Variants in MGAT3 observed in about 807,000 individuals in gnomAD.
MGAT3 encodes the protein GlcNAc-T III.
Under a neutral mutation model 29.8 loss-of-function variants are expected in MGAT3, and 9 were observed. The observed-to-expected ratio is 0.30, with a 90% CI of 0.18 to 0.53. The LOEUF (loss-of-function observed/expected upper bound fraction) is 0.53, where lower values mean the gene tolerates loss of function less well. MGAT3 is among the 20% of genes least tolerant of loss of function. MGAT3 has a pLI of 0.96. For missense variants in MGAT3, 557 were observed against 769.5 expected, an observed-to-expected ratio of 0.72 and a Z score of 3.27; for synonymous variants, 397 against 348.9, an observed-to-expected ratio of 1.14 and a Z score of -1.54.
rs1466144894 is a variant in MGAT3 at position 39,489,119 on chromosome 22, C to T, written c.*170C>T. The T allele has an allele frequency of 2.2e-6, 2 of 926,610 alleles. No individual in the cohort carries two copies. Among genetic ancestry groups the T allele is most frequent in the Non-Finnish European group, 3.2e-6 (2 of 622,590 alleles). The allele number at this position is 926,610 out of a possible 1,614,324, so 57.4% of individuals were successfully genotyped here. On this transcript the variant is annotated 3_prime_UTR_variant, in exon 2 of 2. Coordinates refer to ENST00000341184, the MANE Select transcript of MGAT3 (RefSeq NM_002409.5). Reference sequence around the variant, plus strand: ...AAGCCCTTGTGAATCAAGGGTCAGGCCTTTGAGCTCAGAAAATATCCCTCC... The same window carrying T: ...AAGCCCTTGTGAATCAAGGGTCAGGTCTTTGAGCTCAGAAAATATCCCTCC...
chr22:39,476,197 G>A (rs1195454855), intron 1 of MGAT3, among the ~76,000 whole-genome samples: 2 of 152,122 alleles, frequency 1.3e-5, no homozygotes, highest in Non-Finnish European at 2.9e-5. Flanking sequence ...GTGGGGGAGG[G>A]GTGGGGTTGC....
chr22:39,469,045 TC>T (rs1376862741), intron 1 of MGAT3, among the ~76,000 whole-genome samples: 1 of 150,758 alleles, frequency 6.6e-6, no homozygotes, highest in Non-Finnish European at 1.5e-5. Context: ...CTGCTGCCAT[TC>T]CGGTGAGCGG....
intron 1 of MGAT3, among the ~76,000 whole-genome samples, chr22:39,471,276 G>T (rs5995737): frequency 2.6e-4 from 39 of 152,242 alleles, no homozygotes; most frequent in African/African-American, 9.2e-4. Flanking sequence ...CTGGGAGGTG[G>T]GTAGGGAGCT....
At chr22:39,466,754 T>C (rs770639067) in intron 1 of MGAT3, among the ~76,000 whole-genome samples, 1 of 152,238 alleles carries the variant, frequency 6.6e-6, no homozygotes, top group Non-Finnish European at 1.5e-5. Flanking sequence ...TTGGCTGATG[T>C]TGTTACTGAC....
intron 1 of MGAT3, among the ~76,000 whole-genome samples, chr22:39,477,166 C>T (rs1478409928): frequency 6.6e-6 from 1 of 152,234 alleles, no homozygotes; most frequent in Non-Finnish European, 1.5e-5. Context: ...GAAGGAAGAA[C>T]TTCTAGCAGC....
At position 39,480,365 on chromosome 22, in the gene MGAT3, C is replaced by T. The variant is rs1483828511; in HGVS notation, c.-1-6982C>T. Among the ~76,000 whole-genome samples the T allele has an allele frequency of 5.3e-5, 8 of 152,220 alleles. No homozygotes were observed. The East Asian group carries it at 5.8e-4, about 11-fold the overall frequency. ...CAGCCCAGGGAAGGCCCTAAGCCCT[C>T]GCTCAGTTAACCTTATTCCCCAGGT... On this transcript the variant is annotated intron_variant, in intron 1 of 1. Coordinates refer to ENST00000341184, the MANE Select transcript of MGAT3 (RefSeq NM_002409.5).
rs1044536246 is a variant in MGAT3, at chr22:39,457,857, TC to T, written c.-2+304del. The stretch of plus-strand genomic sequence containing the variant: ...CCCTCCCACGGCCGGGCGGGGGACG[TC>T]CCCGAGGCGCGGGGCTCGAGCCGTG... On this transcript the variant is annotated intron_variant, in intron 1 of 1. Coordinates refer to ENST00000341184, the MANE Select transcript of MGAT3 (RefSeq NM_002409.5). This position sits in a 1 kb window ranked among gnomAD's most constrained non-coding sequence, Gnocchi z 6.8. Among the ~76,000 whole-genome samples, 2 of 151,072 alleles carry T rather than the reference TC, an allele frequency of 1.3e-5. No individual in the cohort carries two copies. The highest frequency in any genetic ancestry group is 4.8e-5 in the African/African-American group (2 of 41,252).
chr22:39,480,446 C>T (rs1308060295), intron 1 of MGAT3, among the ~76,000 whole-genome samples: 1 of 152,064 alleles, frequency 6.6e-6, no homozygotes, highest in East Asian at 1.9e-4. Context: ...GACCTCAAGC[C>T]ACGTACATCC....
intron 1 of MGAT3, among the ~76,000 whole-genome samples, chr22:39,464,666 C>T (rs1928588058): frequency 1.3e-5 from 2 of 152,006 alleles, no homozygotes; most frequent in Non-Finnish European, 2.9e-5. Context: ...GTCTCCAACT[C>T]CTGACCTCAA....
rs370070692 is a variant in MGAT3, at chr22:39,466,461, G to A, written c.-2+8904G>A. ...CAAACACCTCTGACCTCCTTCCTCC[G>A]GGGCTGGTCCAGCCTCTTTCTTCCC... is the stretch of plus-strand genomic sequence containing the variant. On this transcript the variant is annotated intron_variant, in intron 1 of 1. Transcript: ENST00000341184. Among the ~76,000 whole-genome samples the A allele has an allele frequency of 5.3e-5, 8 of 152,142 alleles. No individual in the cohort carries two copies. In the East Asian group the frequency reaches 7.7e-4, roughly 15 times the overall value.
intron 1 of MGAT3, chr22:39,486,369 T>C: frequency 4.0e-6 from 1 of 247,250 alleles, no homozygotes; most frequent in Non-Finnish European, 8.1e-6. Flanking sequence ...GGTCTCGAAC[T>C]CCTGACCTTG....
intron 1 of MGAT3, among the ~76,000 whole-genome samples, chr22:39,479,573 G>A (rs1181889101): frequency 1.3e-5 from 2 of 152,226 alleles, no homozygotes; most frequent in Admixed American, 6.5e-5. Context: ...TCACCTCCAA[G>A]CCTCTGCTTC....
intron 1 of MGAT3, chr22:39,475,853 C>G (rs933163503): frequency 6.6e-5 from 10 of 152,278 alleles, no homozygotes; most frequent in African/African-American, 2.4e-4. Context: ...TGGTGTGAGA[C>G]TTGTCCCAAC....
At position 39,475,128 on chromosome 22, in the gene MGAT3, C is replaced by CTTTTTTTTTTTTTTT. The variant is rs58543840; in HGVS notation, c.-1-12211_-1-12197dup. 4.3e-4 allele frequency among the ~76,000 whole-genome samples: 51 copies of CTTTTTTTTTTTTTTT among 118,760 alleles called. 1 individual carries two copies. The highest frequency in any genetic ancestry group is 1.2e-3 in the African/African-American group (33 of 27,056). The allele number at this position is 118,760 out of a possible 152,430, so 77.9% of individuals were successfully genotyped here. ...TGAATTCACAGCAGGGCTTGCCAGG[C>CTTTTTTTTTTTTTTT]TTTTTTTTTTTTTTTTTTTTTTAAC... is the stretch of plus-strand genomic sequence containing the variant. On this transcript the variant is annotated intron_variant, in intron 1 of 1. Transcript: ENST00000341184.
At chr22:39,461,555 G>T (rs1025356398) in intron 1 of MGAT3, among the ~76,000 whole-genome samples, 1 of 152,146 alleles carries the variant, frequency 6.6e-6, no homozygotes, top group Non-Finnish European at 1.5e-5. Flanking sequence ...TCAGAGATGT[G>T]GCCCAAGCAG....
intron 1 of MGAT3, among the ~76,000 whole-genome samples, chr22:39,467,047 G>A (rs1928668116): frequency 6.6e-6 from 1 of 152,236 alleles, no homozygotes; most frequent in African/African-American, 2.4e-5. Flanking sequence ...TGGGCGGCTT[G>A]CAGTTTGCTT....
At chr22:39,473,714 A>G (rs4821900) in intron 1 of MGAT3, among the ~76,000 whole-genome samples, 33,235 of 151,328 alleles carry the variant, frequency 0.22, 4,737 homozygotes, top group African/African-American at 0.39. Context: ...GCAGCAAACA[A>G]ACTCCCCAAG....
chr22:39,481,541 G>A (rs948769540), intron 1 of MGAT3, among the ~76,000 whole-genome samples: 3 of 152,206 alleles, frequency 2.0e-5, no homozygotes, highest in South Asian at 4.1e-4. Context: ...TGGCAAAATC[G>A]TTGCTGAGTG....
At position 39,475,128 on chromosome 22, in the gene MGAT3, C is replaced by CTTTTTTTTTTTTTTTTT. The variant is rs58543840; in HGVS notation, c.-1-12213_-1-12197dup. Among the ~76,000 whole-genome samples the CTTTTTTTTTTTTTTTTT allele has an allele frequency of 6.0e-4, 71 of 118,762 alleles. 1 individual carries two copies. Among genetic ancestry groups the CTTTTTTTTTTTTTTTTT allele is most frequent in the African/African-American group, 2.5e-3 (67 of 27,050 alleles). 77.9% of individuals were successfully genotyped at this position (118,762 alleles called of 152,430 possible). ...TGAATTCACAGCAGGGCTTGCCAGG[C>CTTTTTTTTTTTTTTTTT]TTTTTTTTTTTTTTTTTTTTTTAAC... On this transcript the variant is annotated intron_variant, in intron 1 of 1. Coordinates refer to ENST00000341184, the MANE Select transcript of MGAT3 (RefSeq NM_002409.5).
Sources: gnomAD v4.1 joint callset for allele counts (sites outside exome capture counted in the v4.1 genomes callset) on GRCh38, gnomAD v4.1.1 for gene constraint, Gnocchi (gnomAD v3.1) non-coding constraint, MANE v1.5 for transcripts, NCBI Gene and HGNC (gene_info 2026-07-23, HGNC 2026-07-21) for gene names.